MCPH1: variants seen among roughly 807,000 people sequenced by gnomAD.
The protein encoded by MCPH1 is microcephalin 1.
A neutral mutation model predicts 84.5 loss-of-function variants in MCPH1; 104 were observed. That is an observed-to-expected ratio of 1.23 (90% CI 1.05 to 1.45). The LOEUF (loss-of-function observed/expected upper bound fraction) is 1.45. Among genes scored for constraint, MCPH1 ranks in the 40% most tolerant of loss-of-function variants. The pLI, the probability that MCPH1 is intolerant of heterozygous loss-of-function variation, is 0.00. For synonymous variants in MCPH1, 514 were observed against 366.8 expected (o/e 1.40, Z -4.58); for missense variants, 1,498 against 1,005.7 (o/e 1.49, Z -6.62).
chr8:6,596,196 T>A (rs1828913141), intron 12 of MCPH1, among the ~76,000 whole-genome samples: 2 of 152,152 alleles, frequency 1.3e-5, no homozygotes, highest in African/African-American at 4.8e-5. Context: ...TTTATTGGGC[T>A]CCAGTCTCAG....
chr8:6,581,390 CT>C (rs1178413560), intron 12 of MCPH1, among the ~76,000 whole-genome samples: 1 of 152,190 alleles, frequency 6.6e-6, no homozygotes, highest in African/African-American at 2.4e-5. Flanking sequence ...TCCAATGTCC[CT>C]ATGCTATTTG....
rs1798111569 is a variant in MCPH1, at chr8:6,644,387, G to A, written c.*1338G>A. On this transcript the variant is annotated 3_prime_UTR_variant, in exon 14 of 14. Transcript: ENST00000344683. ...ATAAGCCATAAAAGGCATCCAAATA[G>A]GAAAAGAAGTCAAACTGTCTCTCTT... is the stretch of plus-strand genomic sequence containing the variant. 6.6e-6 allele frequency: 1 copy of A among 152,124 alleles called. No homozygotes were observed. Among genetic ancestry groups the A allele is most frequent in the African/African-American group, 2.4e-5 (1 of 41,412 alleles). The allele number at this position is 152,124 out of a possible 1,614,324, so 9.4% of individuals were successfully genotyped here.
chr8:6,410,650 A>AG (rs1798411688), intron 2 of MCPH1, among the ~76,000 whole-genome samples: 1 of 152,188 alleles, frequency 6.6e-6, no homozygotes, highest in South Asian at 2.1e-4. Context: ...GTTTTACAAA[A>AG]GGGAAAAGAT....
intron 2 of MCPH1, among the ~76,000 whole-genome samples, chr8:6,413,811 A>G (rs1030424755): frequency 7.3e-5 from 11 of 151,256 alleles, no homozygotes; most frequent in South Asian, 2.1e-4. Context: ...CTGGAGTGCA[A>G]TGGCACAATC....
intron 12 of MCPH1, among the ~76,000 whole-genome samples, chr8:6,516,196 A>G (rs1257484462): frequency 1.3e-5 from 2 of 152,228 alleles, no homozygotes; most frequent in African/African-American, 4.8e-5. Context: ...AGTCTGCACA[A>G]GCTAACCCCT....
At chr8:6,570,913 G>T (rs976480540) in intron 12 of MCPH1, among the ~76,000 whole-genome samples, 9 of 148,570 alleles carry the variant, frequency 6.1e-5, no homozygotes, top group African/African-American at 2.0e-4. Context: ...ATATTTTAAA[G>T]CTGCACTGTA....
In MCPH1 at chr8:6,648,192, G is replaced by C. The variant is rs1280618023; in HGVS notation, c.*5143G>C. ...GCCCAACATGAGGCTCCACACCCTAGAACTCCCTGTGGAGTTGGCCGATAC... is the reference window on the plus strand; with the variant it reads ...GCCCAACATGAGGCTCCACACCCTACAACTCCCTGTGGAGTTGGCCGATAC... On this transcript the variant is annotated 3_prime_UTR_variant, in exon 14 of 14. Transcript: ENST00000344683. 1 of 152,228 alleles carries C rather than the reference G, an allele frequency of 6.6e-6. No individual in the cohort carries two copies. Among genetic ancestry groups the C allele is most frequent in the Non-Finnish European group, 1.5e-5 (1 of 68,066 alleles). 9.4% of individuals were successfully genotyped at this position (152,228 alleles called of 1,614,324 possible).
At position 6,485,088 on chromosome 8, in the gene MCPH1, A is replaced by C. The variant is rs1809712686; in HGVS notation, c.2136+4212A>C. 3.9e-5 allele frequency among the ~76,000 whole-genome samples: 6 copies of C among 152,156 alleles called. No individual in the cohort carries two copies. In the South Asian group the frequency reaches 1.2e-3, roughly 32 times the overall value. On this transcript the variant is annotated intron_variant, in intron 11 of 13. Transcript: ENST00000344683. ...ATGCCTGTAATCCCAGCACTTTTGG[A>C]GGCCGAGGCGTGTGGATCACGAGGT... is the stretch of plus-strand genomic sequence containing the variant.
At chr8:6,502,986 C>A (rs190499042) in intron 12 of MCPH1, 2 of 1,278,732 alleles carry the variant, frequency 1.6e-6, no homozygotes, top group Middle Eastern at 2.7e-4. Context: ...CCGTCAGCAC[C>A]GAGCACACGC....
chr8:6,624,503 T>G (rs1007258240), intron 13 of MCPH1, among the ~76,000 whole-genome samples: 1 of 152,244 alleles, frequency 6.6e-6, no homozygotes, highest in Non-Finnish European at 1.5e-5. Flanking sequence ...CTCTCTGAGA[T>G]GTAAGATCAC....
chr8:6,577,231 C>T (rs1266247057), intron 12 of MCPH1, among the ~76,000 whole-genome samples: 1 of 152,300 alleles, frequency 6.6e-6, no homozygotes, highest in Non-Finnish European at 1.5e-5. Context: ...GGCCTCCCTG[C>T]GTGGGGCTTC....
chr8:6,408,564 G>A (rs1206976499), intron 1 of MCPH1, among the ~76,000 whole-genome samples: 1 of 151,872 alleles, frequency 6.6e-6, no homozygotes, highest in African/African-American at 2.4e-5. Flanking sequence ...TTGAGGCAAG[G>A]TCTTTCTCTG....
intron 11 of MCPH1, 105 bp from the exon 12 acceptor site, chr8:6,499,747 C>A: frequency 1.1e-6 from 1 of 904,688 alleles, no homozygotes; most frequent in Non-Finnish European, 1.8e-6. Flanking sequence ...TATTTCAGAT[C>A]TGCGGAGTGT....
chr8:6,419,199 C>A (rs1159033478), intron 3 of MCPH1, among the ~76,000 whole-genome samples: 6 of 147,210 alleles, frequency 4.1e-5, no homozygotes, highest in Non-Finnish European at 8.9e-5. Context: ...GCATTTTTAC[C>A]CCAAATACTT....
In MCPH1 at chr8:6,442,728, G is replaced by C. The variant is rs551549004; in HGVS notation, c.670+572G>C. Among the ~76,000 whole-genome samples the C allele has an allele frequency of 8.5e-5, 13 of 152,304 alleles. No homozygotes were observed. In the South Asian group the frequency reaches 2.7e-3, roughly 32 times the overall value. On this transcript the variant is annotated intron_variant, in intron 7 of 13. Coordinates refer to ENST00000344683, the MANE Select transcript of MCPH1 (RefSeq NM_024596.5). ...TCTTCTTCGTACCAAATTTCTTACA[G>C]TTTCTTCACCTAGTCCCCAGTGGGG...
At chr8:6,522,038 G>C (rs1422963272) in intron 12 of MCPH1, among the ~76,000 whole-genome samples, 1 of 152,164 alleles carries the variant, frequency 6.6e-6, no homozygotes, top group African/African-American at 2.4e-5. Context: ...CATGGGGTTG[G>C]TGTGAGGAAC....
chr8:6,646,270 C>CA lies in MCPH1; in HGVS notation c.*3227dup, dbSNP rs1235605670. On this transcript the variant is annotated 3_prime_UTR_variant, in exon 14 of 14. Coordinates refer to ENST00000344683, the MANE Select transcript of MCPH1 (RefSeq NM_024596.5). The stretch of plus-strand genomic sequence containing the variant: ...TGAAACCTTGTCTCTACTAGAAATA[C>CA]AAAAAATTAGCCAGGCATGATGGCA... 6.6e-6 allele frequency: 1 copy of CA among 152,030 alleles called. No homozygotes were observed. The highest frequency in any genetic ancestry group is 1.5e-5 in the Non-Finnish European group (1 of 68,000). The allele number at this position is 152,030 out of a possible 1,614,324, so 9.4% of individuals were successfully genotyped here.
At chr8:6,523,710 C>G (rs968124778) in intron 12 of MCPH1, among the ~76,000 whole-genome samples, 1 of 152,124 alleles carries the variant, frequency 6.6e-6, no homozygotes, top group African/African-American at 2.4e-5. Flanking sequence ...CTGCCTCAGC[C>G]TCCTGAGTAG....
rs534662084 is a variant in MCPH1 at position 6,438,895 on chromosome 8, A to G, written c.437-58A>G. Reference sequence around the variant, plus strand: ...GGGGTTGTTCTTTAAAAGGAATCACATTCCTGAAGTATGAAGGCACTTTTT... The same window carrying G: ...GGGGTTGTTCTTTAAAAGGAATCACGTTCCTGAAGTATGAAGGCACTTTTT... On this transcript the variant is annotated intron_variant, in intron 5 of 13. Coordinates refer to ENST00000344683, the MANE Select transcript of MCPH1 (RefSeq NM_024596.5). The G allele has an allele frequency of 2.7e-5, 42 of 1,542,674 alleles. No homozygotes were observed. In the African/African-American group the frequency reaches 5.3e-4, roughly 19 times the overall value.
Sources: allele counts gnomAD v4.1 joint callset (sites outside exome capture counted in the v4.1 genomes callset), GRCh38; gene constraint gnomAD v4.1.1; transcripts MANE v1.5; gene names NCBI Gene and HGNC (gene_info 2026-07-23, HGNC 2026-07-21).